METTL22: variants seen among roughly 807,000 people sequenced by gnomAD.
METTL22 encodes the protein methyltransferase 22, Kin17 lysine.
Under a neutral mutation model 48.4 loss-of-function variants are expected in METTL22, and 51 were observed. That is an observed-to-expected ratio of 1.05 (90% CI 0.84 to 1.33). The LOEUF (loss-of-function observed/expected upper bound fraction) is 1.33, where lower values mean the gene tolerates loss of function less well. METTL22 is among the 40% of genes most tolerant of loss of function. The probability of loss-of-function intolerance (pLI) is 0.00; values close to 1 mark genes in which losing one functional copy is unlikely to be tolerated. For missense variants in METTL22, 678 were observed against 526.9 expected, an observed-to-expected ratio of 1.29 and a Z score of -2.81; for synonymous variants, 255 against 214.1, an observed-to-expected ratio of 1.19 and a Z score of -1.67.
In METTL22 at chr16:8,646,615, A is replaced by G. The variant is rs747542626; in HGVS notation, c.*472A>G. On this transcript the variant is annotated 3_prime_UTR_variant, in exon 11 of 11. Coordinates refer to ENST00000381920, the MANE Select transcript of METTL22 (RefSeq NM_024109.4). Reference sequence around the variant, plus strand: ...CCCAGGGTTGGGTATGCTCCACCCCATCACTCTGGTGAGGGCCCCATGAGA... The same window carrying G: ...CCCAGGGTTGGGTATGCTCCACCCCGTCACTCTGGTGAGGGCCCCATGAGA... 94 of 459,884 alleles carry G rather than the reference A, an allele frequency of 2.0e-4. 3 individuals are homozygous for G. The highest frequency in any genetic ancestry group is 1.3e-3 in the South Asian group (87 of 64,606). The allele number at this position is 459,884 out of a possible 1,614,324, so 28.5% of individuals were successfully genotyped here. A position where few individuals can be genotyped will look rare whatever the true frequency, so the allele number is the denominator to read the frequency against.
At chr16:8,666,465 G>A in the METTL22 span, among the ~76,000 whole-genome samples, 1 of 152,172 alleles carries the variant, frequency 6.6e-6, no homozygotes, top group African/African-American at 2.4e-5. Flanking sequence ...CAAACTACAA[G>A]AGTGATGATT....
At chr16:8,641,304 G>A (rs1853696773) in intron 7 of METTL22, 120 bp downstream of exon 7, 2 of 966,782 alleles carry the variant, frequency 2.1e-6, no homozygotes, top group Non-Finnish European at 1.6e-6. Flanking sequence ...CAGTCCCATC[G>A]GCGCATGGCA....
At chr16:8,630,832 G>T (rs928476061) in intron 3 of METTL22, among the ~76,000 whole-genome samples, 34 of 152,174 alleles carry the variant, frequency 2.2e-4, no homozygotes, top group African/African-American at 8.0e-4. Flanking sequence ...GAGGAGAGTG[G>T]AATGGTAGCT....
the METTL22 span, among the ~76,000 whole-genome samples, chr16:8,655,418 G>A: frequency 3.2e-3 from 491 of 152,334 alleles, 2 homozygotes; most frequent in African/African-American, 0.011. Flanking sequence ...GGCCTCTCTA[G>A]GGGGCCTCTG....
chr16:8,625,602 A>G lies in METTL22; in HGVS notation c.-64A>G. The G allele has an allele frequency of 3.8e-6, 6 of 1,578,098 alleles. No individual in the cohort carries two copies. In the South Asian group the frequency reaches 6.7e-5, roughly 18 times the overall value. ...TGCAGTATCTCCTCTGGGACCTGCC[A>G]TGCTGAGGACCCATTCTCACCTCTG... On this transcript the variant is annotated 5_prime_UTR_variant, in exon 2 of 11. The change abolishes an upstream ATG in the 5' untranslated region. Transcript: ENST00000381920.
Position 8,635,034 on chromosome 16 carries a change from T to A in METTL22, c.515-5T>A. ...GGCATTTCTCTTGGTTTCTGTCCCA[T>A]CCAGAGCACACCATGGCCACGCCCC... is the stretch of plus-strand genomic sequence containing the variant. On this transcript the variant is annotated splice_polypyrimidine_tract_variant and splice_region_variant and intron_variant, in intron 3 of 10. Transcript: ENST00000381920. The A allele has an allele frequency of 6.2e-7, 1 of 1,613,466 alleles. No homozygotes were observed. The highest frequency in any genetic ancestry group is 1.1e-5 in the South Asian group (1 of 91,036).
intron 3 of METTL22, chr16:8,631,345 A>G (rs1005667556): frequency 6.6e-6 from 1 of 152,210 alleles, no homozygotes; most frequent in Non-Finnish European, 1.5e-5. Context: ...CACTGTAGAA[A>G]TAAAGTGAGA....
intron 3 of METTL22, among the ~76,000 whole-genome samples, chr16:8,634,157 G>A (rs1418527350): frequency 6.6e-6 from 1 of 152,224 alleles, no homozygotes; most frequent in African/African-American, 2.4e-5. Context: ...GATTCTAACT[G>A]CCCATAGGGC....
intron 1 of METTL22, chr16:8,624,035 A>G (rs1417693582): frequency 6.6e-6 from 1 of 152,178 alleles, no homozygotes; most frequent in Non-Finnish European, 1.5e-5. Context: ...CAGTTTACCC[A>G]CCCAGTAACA....
rs1243026381 is a variant in METTL22 at position 8,635,056 on chromosome 16, C to A, written c.532C>A (p.Pro178Thr). Residue 178 changes from proline to threonine, a missense_variant, in exon 4 of 11, where the codon CCC becomes ACC. Transcript: ENST00000381920. ...IIRIEHTMAT[P>T]LEDVGKQVWR... The stretch of plus-strand genomic sequence containing the variant: ...CCATCCAGAGCACACCATGGCCACG[C>A]CCCTGGAGGATGTTGGCAAGCAGGT... 2.5e-6 allele frequency: 4 copies of A among 1,613,766 alleles called. No individual in the cohort carries two copies. The highest frequency in any genetic ancestry group is 3.4e-6 in the Non-Finnish European group (4 of 1,180,044).
At chr16:8,640,220 A>G (rs1183480794) in intron 6 of METTL22, among the ~76,000 whole-genome samples, 1 of 152,192 alleles carries the variant, frequency 6.6e-6, no homozygotes, top group African/African-American at 2.4e-5. Context: ...GTAGGCAGTC[A>G]GCAGAGCTGG....
chr16:8,638,358 A>G (rs1190295812), intron 5 of METTL22, among the ~76,000 whole-genome samples: 1 of 152,176 alleles, frequency 6.6e-6, no homozygotes, highest in African/African-American at 2.4e-5. Context: ...TTAACAAGAC[A>G]TCCTGTACTT....
chr16:8,631,314 AGAAATTATGTT>A (rs1434839813), intron 3 of METTL22: 2 of 152,234 alleles, frequency 1.3e-5, no homozygotes, highest in South Asian at 2.1e-4. Flanking sequence ...AGGATTCAAA[AGAAATTATGTT>A]CAATTCCCCC....
At chr16:8,636,442 A>T (rs931950362) in intron 5 of METTL22, among the ~76,000 whole-genome samples, 8 of 147,312 alleles carry the variant, frequency 5.4e-5, no homozygotes, top group African/African-American at 2.0e-4. Context: ...GGAGGCTTGA[A>T]CCTGGGAGGC....
chr16:8,643,488 G>A (rs2056686969), intron 9 of METTL22, among the ~76,000 whole-genome samples: 1 of 152,242 alleles, frequency 6.6e-6, no homozygotes, highest in Non-Finnish European at 1.5e-5. Context: ...GAGGAAATGG[G>A]TTGGTGTCTG....
At chr16:8,663,225 A>AAAAT in the METTL22 span, among the ~76,000 whole-genome samples, 3,724 of 123,426 alleles carry the variant, frequency 0.03, 245 homozygotes, top group Middle Eastern at 0.039. Flanking sequence ...AAAAAAAAAA[A>AAAAT]GGTAGCCAAG....
chr16:8,634,224 G>A (rs1464113852), intron 3 of METTL22, among the ~76,000 whole-genome samples: 2 of 152,198 alleles, frequency 1.3e-5, no homozygotes, highest in Non-Finnish European at 2.9e-5. Flanking sequence ...TGGCCCAGGT[G>A]CCCAAGAGGA....
chr16:8,664,300 C>A, the METTL22 span, among the ~76,000 whole-genome samples: 1 of 152,030 alleles, frequency 6.6e-6, no homozygotes, highest in Non-Finnish European at 1.5e-5. Context: ...CCTGTGACAC[C>A]ATGCCCAGCT....
the METTL22 span, among the ~76,000 whole-genome samples, chr16:8,661,973 G>C: frequency 6.9e-6 from 1 of 145,240 alleles, no homozygotes; most frequent in South Asian, 2.2e-4. Context: ...GCTTGGCATG[G>C]TGGCTCACGC....
Sources: gnomAD v4.1 joint callset for allele counts (sites outside exome capture counted in the v4.1 genomes callset) on GRCh38, gnomAD v4.1.1 for gene constraint, MANE v1.5 for transcripts, NCBI Gene and HGNC (gene_info 2026-07-23, HGNC 2026-07-21) for gene names.